MEGF8: variants seen among roughly 807,000 people sequenced by gnomAD.
MEGF8 encodes the protein multiple epidermal growth factor-like domains protein 8.
MEGF8 carries 156 observed loss-of-function variants against 302.9 expected under a neutral mutation model. The ratio of observed to expected loss-of-function variants is 0.52; its 90% confidence interval spans 0.45 to 0.59. The LOEUF is 0.59. Among genes scored for constraint, MEGF8 ranks in the 20% least tolerant of loss-of-function variants. The probability of loss-of-function intolerance (pLI) is 0.00; values close to 1 mark genes in which losing one functional copy is unlikely to be tolerated. For missense variants in MEGF8, 3,345 were observed against 3,964.5 expected (o/e 0.84, Z 4.20); for synonymous variants, 1,621 against 1,660.5 (o/e 0.98, Z 0.58).
rs912796877 is a variant in MEGF8, at chr19:42,348,462, C to T, written c.2288C>T (p.Thr763Met). 45 of 1,519,438 alleles carry T rather than the reference C, an allele frequency of 3.0e-5. No individual in the cohort carries two copies. The highest frequency in any genetic ancestry group is 2.6e-4 in the Admixed American group (13 of 49,396). The allele number at this position is 1,519,438 out of a possible 1,614,324, so 94.1% of individuals were successfully genotyped here. Residue 763 changes from threonine to methionine, a missense_variant, in exon 13 of 42, where the codon ACG (threonine) becomes ATG (methionine). Physicochemically the swap from Thr to Met is moderately conservative, Grantham distance 81 (BLOSUM62 -1). Coordinates refer to ENST00000251268, the MANE Select transcript of MEGF8 (RefSeq NM_001271938.2). ...GCCCGGATGGCCCGTGGCCCTGACA[C>T]GGAGAACATGGTGAGGCCGCCTGGG... ...VLARMARGPD[T>M]ENMEEVGRWV...
Position 42,375,840 on chromosome 19 carries a change from C to T in MEGF8, c.7603C>T (p.Pro2535Ser). ...HIQPPPAPPPPPPPADGGPRG... is the reference protein window; with the variant it reads ...HIQPPPAPPPSPPPADGGPRG... ...CCAGCCACCCCCAGCCCCACCACCT[C>T]CACCACCCCCTGCAGATGGTGGGCC... Residue 2535 changes from proline to serine, a missense_variant, in exon 42 of 42, where the codon CCA becomes TCA. Transcript: ENST00000251268. This position sits in a 1 kb window ranked among gnomAD's most constrained non-coding sequence, Gnocchi z 7.1. 1 of 1,610,500 alleles carries T rather than the reference C, an allele frequency of 6.2e-7. No homozygotes were observed. The highest frequency in any genetic ancestry group is 8.5e-7 in the Non-Finnish European group (1 of 1,178,996).
chr19:42,348,208 G>A lies in MEGF8; in HGVS notation c.2098-64G>A, dbSNP rs1473966209. The A allele has an allele frequency of 2.1e-6, 3 of 1,414,880 alleles. No individual in the cohort carries two copies. The African/African-American group carries it at 4.3e-5, about 20-fold the overall frequency. The allele number at this position is 1,414,880 out of a possible 1,614,324, so 87.6% of individuals were successfully genotyped here. A position where few individuals can be genotyped will look rare whatever the true frequency, so the allele number is the denominator to read the frequency against. ...AAGGTTGGGTTGACCAGTCTTTTCT[G>A]GCTCTGATGTGGCCTGTGAGTCCAG... On this transcript the variant is annotated intron_variant, in intron 12 of 41. Transcript: ENST00000251268.
rs201881006 is a variant in MEGF8, at chr19:42,335,075, G to T, written c.599G>T (p.Arg200Leu). 9.3e-6 allele frequency: 15 copies of T among 1,613,604 alleles called. No homozygotes were observed. The East Asian group carries it at 3.3e-4, about 36-fold the overall frequency. The change falls in exon 4 of 42, where the codon CGT becomes CTT. Residue 200 changes from arginine (R) to leucine (L), a missense_variant. Transcript: ENST00000251268. ...CGCTGTGAGCCTGGCTTCTTGGGAC[G>T]TGCCTGTGACCTGCACCTGTGGGAG... ...PCRCEPGFLG[R>L]ACDLHLWENQ... is the part of the protein sequence containing the mutation.
chr19:42,327,757 G>A (rs1298168131), intron 1 of MEGF8, among the ~76,000 whole-genome samples: 1 of 152,206 alleles, frequency 6.6e-6, no homozygotes, highest in East Asian at 1.9e-4. Flanking sequence ...GCGGGGAAGC[G>A]GGAGAGTGAT....
At chr19:42,349,404 G>T in intron 13 of MEGF8, 95 bp from the exon 14 acceptor site, 1 of 1,087,868 alleles carries the variant, frequency 9.2e-7, no homozygotes, top group South Asian at 1.6e-5. Flanking sequence ...TCTTAGGAGG[G>T]GGTGGGGTAC....
intron 41 of MEGF8, among the ~76,000 whole-genome samples, chr19:42,374,791 G>A (rs560646191): frequency 9.2e-5 from 14 of 152,330 alleles, no homozygotes; most frequent in South Asian, 2.1e-4. Flanking sequence ...AGCGAGGAGC[G>A]CTAAGGAAAG....
intron 8 of MEGF8, among the ~76,000 whole-genome samples, chr19:42,341,016 AGTGCAGTG>A (rs2039204496): frequency 6.6e-6 from 1 of 152,120 alleles, no homozygotes. Context: ...CCCAACCTGG[AGTGCAGTG>A]GTGCAGTCAT....
chr19:42,370,506 AGGTGGG>A, intron 39 of MEGF8, 147 bp downstream of exon 39: 1 of 842,756 alleles, frequency 1.2e-6, no homozygotes, highest in Non-Finnish European at 1.7e-6. Flanking sequence ...GAGAGAGTAG[AGGTGGG>A]GGTCTTGAAC....
intron 41 of MEGF8, among the ~76,000 whole-genome samples, chr19:42,373,390 C>T (rs916333055): frequency 6.6e-6 from 1 of 151,634 alleles, no homozygotes; most frequent in Non-Finnish European, 1.5e-5. Flanking sequence ...CACCCCCGGC[C>T]GGTTCTTTTT....
chr19:42,363,921 A>G (rs955326604), intron 35 of MEGF8, among the ~76,000 whole-genome samples: 1 of 152,176 alleles, frequency 6.6e-6, no homozygotes, highest in South Asian at 2.1e-4. Context: ...CTTGACTCCC[A>G]GTCTAGATGC....
chr19:42,373,357 C>T (rs961828548), intron 41 of MEGF8, among the ~76,000 whole-genome samples: 10 of 152,144 alleles, frequency 6.6e-5, no homozygotes, highest in Non-Finnish European at 1.2e-4. Context: ...TTCCAGAGTG[C>T]TGGGATCACA....
At chr19:42,340,673 T>C (rs978042433) in intron 8 of MEGF8, among the ~76,000 whole-genome samples, 7 of 151,448 alleles carry the variant, frequency 4.6e-5, no homozygotes, top group African/African-American at 1.7e-4. Context: ...TACTATTTTG[T>C]TTTATTTTAC....
chr19:42,351,159 G>T lies in MEGF8; in HGVS notation c.2737-57G>T, dbSNP rs1051145055. 3 of 1,446,888 alleles carry T rather than the reference G, an allele frequency of 2.1e-6. No individual in the cohort carries two copies. Among genetic ancestry groups the T allele is most frequent in the African/African-American group, 2.8e-5 (2 of 70,758 alleles). 89.6% of individuals were successfully genotyped at this position (1,446,888 alleles called of 1,614,324 possible). On this transcript the variant is annotated intron_variant, in intron 15 of 41. Coordinates refer to ENST00000251268, the MANE Select transcript of MEGF8 (RefSeq NM_001271938.2). The surrounding 1 kb of genome is among the most constrained non-coding windows in gnomAD (Gnocchi z 5.6). The stretch of plus-strand genomic sequence containing the variant: ...GGGCAGGGGGTGGGATGGGCACTGG[G>T]AGTCCAAAGGAAAGGGCTGAGTGGG...
chr19:42,330,142 T>C (rs1276164673), intron 1 of MEGF8, among the ~76,000 whole-genome samples: 1 of 152,080 alleles, frequency 6.6e-6, no homozygotes, highest in Non-Finnish European at 1.5e-5. Context: ...GGTGTTTCTC[T>C]ATGTTGGCCA....
At chr19:42,329,598 A>G (rs1434784131) in intron 1 of MEGF8, among the ~76,000 whole-genome samples, 1 of 152,200 alleles carries the variant, frequency 6.6e-6, no homozygotes, top group East Asian at 1.9e-4. Flanking sequence ...GCAGTGGCAC[A>G]TGCCTGTAAT....
intron 12 of MEGF8, among the ~76,000 whole-genome samples, chr19:42,345,925 GTCTC>G (rs1383202261): frequency 6.6e-6 from 1 of 152,104 alleles, no homozygotes; most frequent in Admixed American, 6.6e-5. Context: ...TTGAGACAGA[GTCTC>G]TCTCTCTGTC....
chr19:42,355,659 T>G, intron 23 of MEGF8, 99 bp from the exon 24 acceptor site: 3 of 1,438,404 alleles, frequency 2.1e-6, no homozygotes, highest in Middle Eastern at 1.8e-4. Flanking sequence ...TATGGTGCCT[T>G]CCTTCCCTGC....
In MEGF8 at chr19:42,348,325, T is replaced by C; in HGVS notation, c.2151T>C (p.Asp717=). ...TITLTPSAET[D]VSLVYRGFIY... ...CCCTAACACCCAGCGCAGAGACAGA[T>C]GTGTCCCTGGTCTACCGTGGCTTCA... The change falls in exon 13 of 42, where the codon GAT becomes GAC. Residue 717 remains aspartate (D), a synonymous_variant. Coordinates refer to ENST00000251268, the MANE Select transcript of MEGF8 (RefSeq NM_001271938.2). 10 of 1,537,504 alleles carry C rather than the reference T, an allele frequency of 6.5e-6. No homozygotes were observed. The highest frequency in any genetic ancestry group is 1.2e-5 in the South Asian group (1 of 84,062).
rs749087436 is a variant in MEGF8, at chr19:42,353,581, C to T, written c.3667C>T (p.His1223Tyr). Residue 1223 changes from histidine (H) to tyrosine (Y), a missense_variant, in exon 21 of 42, where the codon CAC becomes TAC. Coordinates refer to ENST00000251268, the MANE Select transcript of MEGF8 (RefSeq NM_001271938.2). This position sits in a 1 kb window ranked among gnomAD's most constrained non-coding sequence, Gnocchi z 6.1. ...CGGGCACGGGGACCCACGCCGTGGC[C>T]ACTGCGACAACCTCAGTGGGCTCTG... ...CNGHGDPRRG[H>Y]CDNLSGLCFC... is the part of the protein sequence containing the mutation. The T allele has an allele frequency of 1.3e-6, 2 of 1,598,104 alleles. No individual in the cohort carries two copies. The highest frequency in any genetic ancestry group is 2.2e-5 in the South Asian group (2 of 88,952).
Sources: allele counts gnomAD v4.1 joint callset (sites outside exome capture counted in the v4.1 genomes callset), GRCh38; gene constraint gnomAD v4.1.1; non-coding constraint Gnocchi (gnomAD v3.1); transcripts MANE v1.5; gene names NCBI Gene and HGNC (gene_info 2026-07-23, HGNC 2026-07-21).